PTGR1: variants seen among roughly 807,000 people sequenced by gnomAD.
PTGR1 encodes the protein 15-oxoprostaglandin 13-reductase.
Under a neutral mutation model 37.7 loss-of-function variants are expected in PTGR1, and 23 were observed. The observed-to-expected ratio is 0.61, with a 90% CI of 0.44 to 0.86. The LOEUF (loss-of-function observed/expected upper bound fraction) is 0.86. Ranked by LOEUF, PTGR1 falls within the 40% of genes least tolerant of loss-of-function variation. The pLI, the probability that PTGR1 is intolerant of heterozygous loss-of-function variation, is 0.00. For synonymous variants in PTGR1, 134 were observed against 140.0 expected (o/e 0.96, Z 0.30); for missense variants, 351 against 394.3 (o/e 0.89, Z 0.93).
At chr9:111,588,613 C>G (rs542280678) in intron 4 of PTGR1, among the ~76,000 whole-genome samples, 1 of 151,884 alleles carries the variant, frequency 6.6e-6, no homozygotes, top group African/African-American at 2.4e-5. Flanking sequence ...GCAACCTCCG[C>G]CTCCCAGGTT....
At chr9:111,549,920 C>G in intron 9 of PTGR1, 2 of 646,022 alleles carry the variant, frequency 3.1e-6, no homozygotes, top group Non-Finnish European at 5.4e-6. Flanking sequence ...TTATTTTGTG[C>G]CTTTGAATGG....
chr9:111,583,434 T>C, intron 6 of PTGR1, 38 bp downstream of exon 6: 1 of 1,515,818 alleles, frequency 6.6e-7, no homozygotes, highest in Non-Finnish European at 9.2e-7. Context: ...TCCCAATGGG[T>C]TTTGAATAAA....
At chr9:111,567,958 T>G (rs1412881036) in intron 9 of PTGR1, among the ~76,000 whole-genome samples, 7 of 152,216 alleles carry the variant, frequency 4.6e-5, no homozygotes, top group Non-Finnish European at 1.0e-4. Flanking sequence ...AATCTCTTAA[T>G]CCTGTTATCT....
At chr9:111,568,001 C>T (rs2132337519) in intron 9 of PTGR1, among the ~76,000 whole-genome samples, 1 of 152,244 alleles carries the variant, frequency 6.6e-6, no homozygotes, top group East Asian at 1.9e-4. Context: ...ACCTCAGGAC[C>T]ACTGTGATAA....
intron 9 of PTGR1, among the ~76,000 whole-genome samples, chr9:111,554,434 T>C (rs1273178848): frequency 6.6e-6 from 1 of 152,190 alleles, no homozygotes; most frequent in Non-Finnish European, 1.5e-5. Flanking sequence ...CACAGTCTGT[T>C]CTTTCGGTCA....
intron 9 of PTGR1, among the ~76,000 whole-genome samples, chr9:111,566,477 T>C (rs1338400543): frequency 3.9e-5 from 6 of 152,164 alleles, no homozygotes; most frequent in Non-Finnish European, 7.4e-5. Context: ...AAATGATCAT[T>C]GGCCAGGGAT....
intron 5 of PTGR1, 30 bp from the exon 6 acceptor site, chr9:111,583,619 T>G: frequency 1.4e-5 from 20 of 1,478,222 alleles, no homozygotes; most frequent in Non-Finnish European, 1.8e-5. Context: ...GATATATGAA[T>G]AGAGTTGTTT....
At chr9:111,561,465 G>T (rs1250204104), downstream of PTGR1, among the ~76,000 whole-genome samples, 1 of 151,888 alleles carries the variant, frequency 6.6e-6, no homozygotes, top group Non-Finnish European at 1.5e-5. Flanking sequence ...CAGATGTGGG[G>T]TATTGTCCAG....
At chr9:111,589,576 A>G (rs1348260403) in intron 4 of PTGR1, among the ~76,000 whole-genome samples, 1 of 151,758 alleles carries the variant, frequency 6.6e-6, no homozygotes, top group Non-Finnish European at 1.5e-5. Flanking sequence ...ATTCTAATAT[A>G]AAAGCTAAAT....
intron 5 of PTGR1, among the ~76,000 whole-genome samples, chr9:111,584,154 C>G (rs938394062): frequency 6.6e-6 from 1 of 152,312 alleles, no homozygotes; most frequent in Non-Finnish European, 1.5e-5. Context: ...CTGGACCTAC[C>G]AAGATGCAGC....
Position 111,594,142 on chromosome 9 carries a change from T to C in PTGR1, c.152+80A>G, listed in dbSNP as rs768257788. Reference sequence around the variant, plus strand: ...GGAAAGTGACAATGTTTTAAGTCAGTTGGATATTTTAGAAGATGAACTACT... The same window carrying C: ...GGAAAGTGACAATGTTTTAAGTCAGCTGGATATTTTAGAAGATGAACTACT... On this transcript the variant is annotated intron_variant, in intron 3 of 9. Transcript: ENST00000407693. 3.7e-6 allele frequency: 5 copies of C among 1,359,502 alleles called. No individual in the cohort carries two copies. In the East Asian group the frequency reaches 6.9e-5, roughly 19 times the overall value. 84.2% of individuals were successfully genotyped at this position (1,359,502 alleles called of 1,614,324 possible). A position where few individuals can be genotyped will look rare whatever the true frequency, so the allele number is the denominator to read the frequency against.
chr9:111,593,158 T>C (rs1589321944), intron 3 of PTGR1, among the ~76,000 whole-genome samples, 176 bp from the exon 4 acceptor site: 1 of 152,258 alleles, frequency 6.6e-6, no homozygotes, highest in East Asian at 1.9e-4. Flanking sequence ...CTAGGTGAGA[T>C]ACAGGAGGAA....
At position 111,597,404 on chromosome 9, in the gene PTGR1, A is replaced by G; in HGVS notation, c.19T>C (p.Trp7Arg). 2 of 1,612,604 alleles carry G rather than the reference A, an allele frequency of 1.2e-6. No homozygotes were observed. Among genetic ancestry groups the G allele is most frequent in the African/African-American group, 1.3e-5 (1 of 75,034 alleles). Reference sequence around the variant, plus strand: ...CCAACAAAGTGCTTCTTCAGGGTCCATGTCTTAGTACGAACCATCCTGAAG... The same window carrying G: ...CCAACAAAGTGCTTCTTCAGGGTCCGTGTCTTAGTACGAACCATCCTGAAG... MVRTKT[W>R]TLKKHFVGYP... Residue 7 changes from tryptophan (W) to arginine (R), a missense_variant, in exon 2 of 10, where the codon TGG (tryptophan) becomes CGG (arginine). Coordinates refer to ENST00000407693, the MANE Select transcript of PTGR1 (RefSeq NM_001146108.2).
rs2132313439 is a variant in PTGR1 at position 111,562,572 on chromosome 9, C to T, written c.*549G>A. On this transcript the variant is annotated 3_prime_UTR_variant, in exon 10 of 10. Transcript: ENST00000407693. ...TACAGGCATGAGCCACCACGCCCGG[C>T]TAACTTTTTTTTTTAATTTAATTTT... The T allele has an allele frequency of 6.6e-6, 1 of 152,344 alleles. No homozygotes were observed. Among genetic ancestry groups the T allele is most frequent in the South Asian group, 2.1e-4 (1 of 4,822 alleles). 9.4% of individuals were successfully genotyped at this position (152,344 alleles called of 1,614,324 possible).
At chr9:111,581,638 A>T (rs1439475186) in intron 6 of PTGR1, among the ~76,000 whole-genome samples, 1 of 149,250 alleles carries the variant, frequency 6.7e-6, no homozygotes, top group Non-Finnish European at 1.5e-5. Context: ...GGTCCTTTGA[A>T]TTTTTTTTTT....
intron 8 of PTGR1, among the ~76,000 whole-genome samples, chr9:111,573,552 T>C (rs1047633421): frequency 6.6e-6 from 1 of 152,188 alleles, no homozygotes; most frequent in Non-Finnish European, 1.5e-5. Context: ...GATTCCTTTT[T>C]TTCCTACTTT....
At chr9:111,581,062 C>T (rs1056056102) in intron 6 of PTGR1, among the ~76,000 whole-genome samples, 1 of 152,200 alleles carries the variant, frequency 6.6e-6, no homozygotes, top group Non-Finnish European at 1.5e-5. Context: ...CAAAAGGATA[C>T]TGCATTAGTC....
intron 9 of PTGR1, among the ~76,000 whole-genome samples, chr9:111,555,691 C>T (rs1230721537): frequency 6.6e-6 from 1 of 152,114 alleles, no homozygotes; most frequent in Non-Finnish European, 1.5e-5. Context: ...GGAAGTGCTA[C>T]ACACTTCTAA....
chr9:111,585,286 T>C (rs1434317519), intron 5 of PTGR1, among the ~76,000 whole-genome samples: 1 of 152,166 alleles, frequency 6.6e-6, no homozygotes, highest in Non-Finnish European at 1.5e-5. Flanking sequence ...TCTCCTAATA[T>C]ATTACAAATT....
Sources: gnomAD v4.1 joint callset for allele counts (sites outside exome capture counted in the v4.1 genomes callset) on GRCh38, gnomAD v4.1.1 for gene constraint, MANE v1.5 for transcripts, NCBI Gene and HGNC (gene_info 2026-07-23, HGNC 2026-07-21) for gene names.